Variants in CPEB3 observed in about 807,000 individuals in gnomAD.
CPEB3 encodes cytoplasmic polyadenylation element-binding protein 3.
Under a neutral mutation model 67.2 loss-of-function variants are expected in CPEB3, and 20 were observed. The ratio of observed to expected loss-of-function variants is 0.30; its 90% CI spans 0.21 to 0.43. The LOEUF (loss-of-function observed/expected upper bound fraction) is 0.43. Among genes scored for constraint, CPEB3 ranks in the 20% least tolerant of loss-of-function variants. The pLI, the probability that CPEB3 is intolerant of heterozygous loss-of-function variation, is 1.00. For synonymous variants in CPEB3, 376 were observed against 393.1 expected, an observed-to-expected ratio of 0.96 and a Z score of 0.51; for missense variants, 746 against 968.6, an observed-to-expected ratio of 0.77 and a Z score of 3.05.
At chr10:92,125,537 G>A (rs930301499) in intron 6 of CPEB3, among the ~76,000 whole-genome samples, 1 of 152,148 alleles carries the variant, frequency 6.6e-6, no homozygotes, top group Non-Finnish European at 1.5e-5. Flanking sequence ...AGCTGTTAGT[G>A]CAGAACAAGG....
intron 1 of CPEB3, among the ~76,000 whole-genome samples, chr10:92,252,047 T>G (rs1041713121): frequency 3.3e-5 from 5 of 151,592 alleles, no homozygotes; most frequent in Non-Finnish European, 5.9e-5. Flanking sequence ...TCTCTCTATA[T>G]ATATTTTTTT....
intron 4 of CPEB3, among the ~76,000 whole-genome samples, chr10:92,162,408 T>C (rs1057324397): frequency 6.6e-6 from 1 of 152,174 alleles, no homozygotes; most frequent in Admixed American, 6.5e-5. Context: ...ATTATGTATC[T>C]ATGATTTGTG....
intron 6 of CPEB3, among the ~76,000 whole-genome samples, chr10:92,138,892 C>G (rs1351082364): frequency 6.6e-6 from 1 of 152,158 alleles, no homozygotes; most frequent in Non-Finnish European, 1.5e-5. Flanking sequence ...AAAGAGATAC[C>G]TGTACTCCCA....
In CPEB3 at chr10:92,111,267, T is replaced by C. The variant is rs1844728039; in HGVS notation, c.1454-73A>G. The C allele has an allele frequency of 5.9e-6, 6 of 1,018,422 alleles. No individual in the cohort carries two copies. The East Asian group carries it at 1.4e-4, about 24-fold the overall frequency. The allele number at this position is 1,018,422 out of a possible 1,614,324, so 63.1% of individuals were successfully genotyped here. ...AACTCAAAGTACCAATTACAAATTA[T>C]CTGTTGTTTCATTTTGGCAAATTCT... On this transcript the variant is annotated intron_variant, in intron 6 of 9. Coordinates refer to ENST00000265997, the MANE Select transcript of CPEB3 (RefSeq NM_014912.5).
intron 9 of CPEB3, among the ~76,000 whole-genome samples, chr10:92,056,390 G>A (rs1430344009): frequency 6.6e-6 from 1 of 152,110 alleles, no homozygotes; most frequent in East Asian, 1.9e-4. Flanking sequence ...ACAAGAACAG[G>A]AAGTTAATAA....
At chr10:92,110,713 C>A (rs1177424623) in intron 7 of CPEB3, among the ~76,000 whole-genome samples, 2 of 152,174 alleles carry the variant, frequency 1.3e-5, no homozygotes, top group Admixed American at 1.3e-4. Context: ...ACAATTATGA[C>A]CTTTTTCAAA....
At chr10:92,219,396 A>G (rs765793100) in intron 2 of CPEB3, among the ~76,000 whole-genome samples, 2 of 152,148 alleles carry the variant, frequency 1.3e-5, no homozygotes, top group Non-Finnish European at 1.5e-5. Context: ...TCTATTATTT[A>G]TGTCCCACTA....
At chr10:92,192,698 C>A in intron 2 of CPEB3, 62 bp from the exon 3 acceptor site, 1 of 1,285,400 alleles carries the variant, frequency 7.8e-7, no homozygotes, top group South Asian at 1.6e-5. Context: ...AACACCATAT[C>A]ATTTGCTTCC....
chr10:92,104,745 C>T (rs1033471329), intron 7 of CPEB3, among the ~76,000 whole-genome samples: 4 of 151,706 alleles, frequency 2.6e-5, no homozygotes, highest in Admixed American at 6.6e-5. Flanking sequence ...AAGATTCAAG[C>T]ACTAAGAAAT....
chr10:92,235,606 C>A (rs552191868), intron 2 of CPEB3, among the ~76,000 whole-genome samples: 1 of 152,344 alleles, frequency 6.6e-6, no homozygotes, highest in South Asian at 2.1e-4. Context: ...TTAACTCATA[C>A]AAGGCCAAAA....
chr10:92,285,203 C>G (rs1463561233), intron 1 of CPEB3, among the ~76,000 whole-genome samples: 1 of 152,252 alleles, frequency 6.6e-6, no homozygotes, highest in African/African-American at 2.4e-5. Context: ...AGAGCCCTCA[C>G]AACCTCATCA....
intron 4 of CPEB3, among the ~76,000 whole-genome samples, chr10:92,152,340 C>T (rs903022881): frequency 6.6e-5 from 10 of 152,212 alleles, no homozygotes; most frequent in South Asian, 2.1e-4. Flanking sequence ...TCCGTTTTGT[C>T]TCAATAGATT....
At chr10:92,170,436 C>T (rs1056253384) in intron 4 of CPEB3, among the ~76,000 whole-genome samples, 1 of 152,134 alleles carries the variant, frequency 6.6e-6, no homozygotes, top group African/African-American at 2.4e-5. Flanking sequence ...GTAAAGAATT[C>T]CTCTGCATAA....
At chr10:92,246,760 G>T (rs536635827) in intron 1 of CPEB3, among the ~76,000 whole-genome samples, 1 of 151,802 alleles carries the variant, frequency 6.6e-6, no homozygotes, top group Admixed American at 6.6e-5. Context: ...CACCCGCCTC[G>T]GCCTCCCAAA....
chr10:92,112,082 T>C (rs1590164145), intron 6 of CPEB3, among the ~76,000 whole-genome samples: 2 of 151,448 alleles, frequency 1.3e-5, no homozygotes, highest in East Asian at 3.9e-4. Flanking sequence ...AAGTGGGACA[T>C]ATCCATGGTT....
intron 6 of CPEB3, among the ~76,000 whole-genome samples, chr10:92,122,882 C>T (rs966335099): frequency 6.6e-6 from 1 of 152,194 alleles, no homozygotes; most frequent in Non-Finnish European, 1.5e-5. Context: ...GGTAGCTCTG[C>T]AGATAGATAC....
At chr10:92,284,292 C>A (rs932034570) in intron 1 of CPEB3, among the ~76,000 whole-genome samples, 2 of 152,034 alleles carry the variant, frequency 1.3e-5, no homozygotes, top group African/African-American at 4.8e-5. Context: ...CCGCCTCAGC[C>A]TCCCAAAGTG....
intron 9 of CPEB3, among the ~76,000 whole-genome samples, chr10:92,068,924 T>C (rs1842653359): frequency 6.6e-6 from 1 of 152,218 alleles, no homozygotes; most frequent in Non-Finnish European, 1.5e-5. Flanking sequence ...CTGAGTGTTG[T>C]TTCCTCTAGG....
chr10:92,225,208 C>T (rs531536073), intron 2 of CPEB3, among the ~76,000 whole-genome samples: 90 of 152,088 alleles, frequency 5.9e-4, no homozygotes, highest in Middle Eastern at 3.4e-3. Context: ...CTCTTGACCT[C>T]GTGATCTGCC....
Sources: gnomAD v4.1 joint callset for allele counts (sites outside exome capture counted in the v4.1 genomes callset) on GRCh38, gnomAD v4.1.1 for gene constraint, MANE v1.5 for transcripts, NCBI Gene and HGNC (gene_info 2026-07-23, HGNC 2026-07-21) for gene names.